Variants in PCCA observed in about 807,000 individuals in gnomAD.
PCCA encodes the protein propionyl-CoA carboxylase subunit alpha, also known as propionyl-CoA carboxylase alpha chain, mitochondrial.
In PCCA, 74 loss-of-function variants were observed where a neutral mutation model predicts 101.3. The observed-to-expected ratio is 0.73, with a 90% CI of 0.61 to 0.89. The LOEUF is 0.89. Ranked by LOEUF, PCCA falls within the 40% of genes least tolerant of loss-of-function variation. The pLI, the probability that PCCA is intolerant of heterozygous loss-of-function variation, is 0.00. For synonymous variants in PCCA, 294 were observed against 313.6 expected (o/e 0.94, Z 0.66); for missense variants, 891 against 907.0 (o/e 0.98, Z 0.23).
At chr13:100,492,146 T>G (rs894079161) in intron 21 of PCCA, among the ~76,000 whole-genome samples, 8 of 152,122 alleles carry the variant, frequency 5.3e-5, no homozygotes, top group African/African-American at 1.7e-4. Context: ...TCTCTCTTTT[T>G]TTTTTTGGGA....
intron 12 of PCCA, among the ~76,000 whole-genome samples, chr13:100,285,122 C>T (rs2064494190): frequency 6.6e-6 from 1 of 152,198 alleles, no homozygotes; most frequent in Non-Finnish European, 1.5e-5. Context: ...CCTATACTGG[C>T]TTATCCTTGC....
chr13:100,156,268 A>G (rs1045364676), intron 5 of PCCA, among the ~76,000 whole-genome samples: 1 of 152,080 alleles, frequency 6.6e-6, no homozygotes, highest in Non-Finnish European at 1.5e-5. Flanking sequence ...GGGTTTCACC[A>G]TGTTGGTCAG....
intron 4 of PCCA, among the ~76,000 whole-genome samples, chr13:100,125,118 A>G (rs1028933858): frequency 1.4e-5 from 2 of 141,728 alleles, no homozygotes; most frequent in African/African-American, 2.9e-5. Flanking sequence ...ACTGAAAAGT[A>G]TCAGGTGACC....
At chr13:100,395,544 G>A (rs2077002931) in intron 19 of PCCA, among the ~76,000 whole-genome samples, 2 of 152,212 alleles carry the variant, frequency 1.3e-5, no homozygotes, top group South Asian at 4.1e-4. Context: ...TCTTGATTGT[G>A]TGTTTTATGT....
intron 21 of PCCA, among the ~76,000 whole-genome samples, chr13:100,468,249 A>G (rs971600264): frequency 3.3e-5 from 5 of 152,204 alleles, no homozygotes; most frequent in African/African-American, 9.7e-5. Flanking sequence ...GGTAGGGTAG[A>G]CTTAGCATCA....
chr13:100,407,047 C>T (rs1208918018), intron 19 of PCCA, among the ~76,000 whole-genome samples: 1 of 152,200 alleles, frequency 6.6e-6, no homozygotes, highest in African/African-American at 2.4e-5. Flanking sequence ...AGGGTAGTTA[C>T]AGTTAGAAAC....
chr13:100,433,489 A>G (rs1032152163), intron 20 of PCCA, among the ~76,000 whole-genome samples: 1 of 151,950 alleles, frequency 6.6e-6, no homozygotes. Context: ...AGTAGAAGCA[A>G]GTTTCTTAGA....
rs1566891108 is a variant in PCCA at position 100,298,668 on chromosome 13, CTCCCTCCT to C, written c.1066-2788_1066-2781del. Among the ~76,000 whole-genome samples the C allele has an allele frequency of 1.7e-3, 6 of 3,628 alleles. 1 individual carries two copies. The highest frequency in any genetic ancestry group is 2.5e-3 in the African/African-American group (5 of 2,006). 2.4% of individuals were successfully genotyped at this position (3,628 alleles called of 152,430 possible). On this transcript the variant is annotated intron_variant, in intron 12 of 23. Coordinates refer to ENST00000376285, the MANE Select transcript of PCCA (RefSeq NM_000282.4). ...CCTCCCTCCCTCCCTCCCTCCCTCC[CTCCCTCCT>C]TCCTTCCTTCCTTCCTTCCTTCCTT... is the stretch of plus-strand genomic sequence containing the variant.
intron 21 of PCCA, among the ~76,000 whole-genome samples, chr13:100,482,703 C>G (rs1422068529): frequency 6.6e-6 from 1 of 152,224 alleles, no homozygotes; most frequent in African/African-American, 2.4e-5. Flanking sequence ...ATTCTCCTGC[C>G]TCAGCCTCCC....
At chr13:100,191,172 G>A (rs2057717762) in intron 6 of PCCA, among the ~76,000 whole-genome samples, 1 of 152,226 alleles carries the variant, frequency 6.6e-6, no homozygotes. Context: ...ATTTGTGTTA[G>A]AAGTGTTTAA....
chr13:100,315,404 T>C (rs766422784), intron 16 of PCCA, among the ~76,000 whole-genome samples: 2 of 152,194 alleles, frequency 1.3e-5, no homozygotes, highest in Non-Finnish European at 2.9e-5. Flanking sequence ...ACTTACATAT[T>C]ACTCATCTGG....
At chr13:100,165,214 G>A (rs1048312169) in intron 6 of PCCA, among the ~76,000 whole-genome samples, 2 of 152,104 alleles carry the variant, frequency 1.3e-5, no homozygotes, top group African/African-American at 4.8e-5. Context: ...GGGTCCTATG[G>A]TAATTCTATG....
chr13:100,474,440 T>TTCTCTCTCTC (rs58811683), intron 21 of PCCA, among the ~76,000 whole-genome samples: 145 of 144,380 alleles, frequency 1.0e-3, no homozygotes, highest in African/African-American at 3.7e-3. Flanking sequence ...TATTTACTGT[T>TTCTCTCTCTC]TCTCTCTCTC....
At chr13:100,368,647 T>C (rs926218225) in intron 19 of PCCA, 73 bp downstream of exon 19, 8 of 907,922 alleles carry the variant, frequency 8.8e-6, no homozygotes, top group Non-Finnish European at 1.1e-5. Flanking sequence ...TTTTAACCTG[T>C]TCAGTGACTC....
intron 21 of PCCA, among the ~76,000 whole-genome samples, chr13:100,489,488 T>G (rs1400761342): frequency 6.6e-6 from 1 of 152,206 alleles, no homozygotes. Flanking sequence ...TGATTAGTCA[T>G]AGGTAGTTGC....
intron 21 of PCCA, chr13:100,464,335 T>C (rs1197424888): frequency 6.6e-6 from 1 of 152,158 alleles, no homozygotes; most frequent in Non-Finnish European, 1.5e-5. Flanking sequence ...TCCCTGGTCC[T>C]CAATTTTTTC....
At chr13:100,192,711 G>A (rs1478622537) in intron 6 of PCCA, among the ~76,000 whole-genome samples, 8 of 152,084 alleles carry the variant, frequency 5.3e-5, no homozygotes, top group Admixed American at 4.6e-4. Flanking sequence ...AGAAAAGAAC[G>A]GTTTACAGAT....
At chr13:100,096,788 A>G (rs145985157) in intron 1 of PCCA, among the ~76,000 whole-genome samples, 1 of 152,392 alleles carries the variant, frequency 6.6e-6, no homozygotes, top group East Asian at 1.9e-4. Context: ...TCCTTAAGCC[A>G]TAGCCTAATC....
At chr13:100,382,367 G>T (rs977728833) in intron 19 of PCCA, among the ~76,000 whole-genome samples, 7 of 152,140 alleles carry the variant, frequency 4.6e-5, no homozygotes, top group Non-Finnish European at 7.4e-5. Context: ...CCTCTCTGCT[G>T]ATTGAGTCTG....
Sources: allele counts gnomAD v4.1 joint callset (sites outside exome capture counted in the v4.1 genomes callset), GRCh38; gene constraint gnomAD v4.1.1; transcripts MANE v1.5; gene names NCBI Gene and HGNC (gene_info 2026-07-23, HGNC 2026-07-21).